DDAH1: variants seen among roughly 807,000 people sequenced by gnomAD.
DDAH1 encodes the protein dimethylarginine dimethylaminohydrolase 1.
In DDAH1, 19 loss-of-function variants were observed where a neutral mutation model predicts 28.8. The observed-to-expected ratio is 0.66, with a 90% CI of 0.46 to 0.97. The LOEUF is 0.97. Among genes scored for constraint, DDAH1 ranks in the 50% least tolerant of loss-of-function variants. The pLI, the probability that DDAH1 is intolerant of heterozygous loss-of-function variation, is 0.00. For synonymous variants in DDAH1, 153 were observed against 154.4 expected (o/e 0.99, Z 0.07); for missense variants, 326 against 375.9 (o/e 0.87, Z 1.10).
At chr1:85,550,748 AACACAC>A (rs138890092) in intron 1 of DDAH1, among the ~76,000 whole-genome samples, 1 of 150,590 alleles carries the variant, frequency 6.6e-6, no homozygotes, top group African/African-American at 2.4e-5. Flanking sequence ...AATAATAAAA[AACACAC>A]ACACACACAC....
At chr1:85,394,943 T>C (rs1430014266) in intron 1 of DDAH1, among the ~76,000 whole-genome samples, 2 of 152,176 alleles carry the variant, frequency 1.3e-5, no homozygotes, top group Non-Finnish European at 2.9e-5. Context: ...TTATAAAACG[T>C]TGGCATATGA....
rs1439025220 is a variant in DDAH1, at chr1:85,465,057, G to C, written c.-12C>G. The C allele has an allele frequency of 8.1e-7, 1 of 1,238,368 alleles. No individual in the cohort carries two copies. The highest frequency in any genetic ancestry group is 1.6e-5 in the African/African-American group (1 of 64,002). The allele number at this position is 1,238,368 out of a possible 1,614,324, so 76.7% of individuals were successfully genotyped here. A position where few individuals can be genotyped will look rare whatever the true frequency, so the allele number is the denominator to read the frequency against. The stretch of plus-strand genomic sequence containing the variant: ...CCGAGCCCGGCCATGGCTTCGGGAG[G>C]CTTAGGGGCGGCGGCGGCGGCGGAG... On this transcript the variant is annotated 5_prime_UTR_variant, in exon 1 of 6. Coordinates refer to ENST00000284031, the MANE Select transcript of DDAH1 (RefSeq NM_012137.4).
chr1:85,460,663 G>A (rs1655086952), intron 1 of DDAH1, among the ~76,000 whole-genome samples: 1 of 152,162 alleles, frequency 6.6e-6, no homozygotes, highest in South Asian at 2.1e-4. Context: ...TTTTGCTTAA[G>A]TTAAGTTTTG....
At chr1:85,548,922 C>T (rs1658707988) in intron 1 of DDAH1, among the ~76,000 whole-genome samples, 1 of 152,052 alleles carries the variant, frequency 6.6e-6, no homozygotes, top group Non-Finnish European at 1.5e-5. Context: ...GCAAGAAAAC[C>T]TTTTTCATTT....
intron 2 of DDAH1, among the ~76,000 whole-genome samples, chr1:85,487,064 G>A (rs1423302164): frequency 2.0e-5 from 3 of 152,192 alleles, no homozygotes; most frequent in Non-Finnish European, 4.4e-5. Context: ...TGTTTAATTC[G>A]CCAAAGTAGG....
At chr1:85,483,198 A>C in intron 2 of DDAH1, among the ~76,000 whole-genome samples, 1 of 146,446 alleles carries the variant, frequency 6.8e-6, no homozygotes, top group South Asian at 2.2e-4. Context: ...TGGGCAATAG[A>C]GTGAGACTAT....
At chr1:85,421,362 C>T (rs1424957434) in intron 1 of DDAH1, among the ~76,000 whole-genome samples, 1 of 152,176 alleles carries the variant, frequency 6.6e-6, no homozygotes, top group African/African-American at 2.4e-5. Flanking sequence ...GCAGCTTTCT[C>T]CTCCACCCGC....
chr1:85,443,482 T>C (rs1654293387), intron 1 of DDAH1, among the ~76,000 whole-genome samples: 1 of 152,224 alleles, frequency 6.6e-6, no homozygotes, highest in Non-Finnish European at 1.5e-5. Context: ...CTTTGTTCTT[T>C]TGGCTTAGGA....
At chr1:85,530,958 T>C (rs1313911830) in intron 1 of DDAH1, among the ~76,000 whole-genome samples, 1 of 130,462 alleles carries the variant, frequency 7.7e-6, no homozygotes, top group African/African-American at 2.9e-5. Context: ...GCCTTTGCAG[T>C]CCAGCCTGGG....
chr1:85,471,800 T>G (rs1217096275), intron 2 of DDAH1, among the ~76,000 whole-genome samples: 1 of 152,214 alleles, frequency 6.6e-6, no homozygotes, highest in Non-Finnish European at 1.5e-5. Context: ...TTTCTGCACT[T>G]CAAAGCTCAA....
intron 4 of DDAH1, among the ~76,000 whole-genome samples, chr1:85,346,088 A>T (rs1453595050): frequency 1.3e-5 from 2 of 152,260 alleles, no homozygotes; most frequent in African/African-American, 4.8e-5. Flanking sequence ...AATGCAATAA[A>T]ACTACCCAGA....
intron 4 of DDAH1, among the ~76,000 whole-genome samples, chr1:85,328,902 A>G (rs1647588078): frequency 6.6e-6 from 1 of 152,248 alleles, no homozygotes; most frequent in Non-Finnish European, 1.5e-5. Flanking sequence ...TAATCACCAG[A>G]TAACTGCCAG....
At chr1:85,550,863 C>T (rs1366117343) in intron 1 of DDAH1, among the ~76,000 whole-genome samples, 1 of 152,202 alleles carries the variant, frequency 6.6e-6, no homozygotes. Context: ...AAAGCAGCAA[C>T]AACTTGCTAG....
At chr1:85,558,895 T>A (rs551343598) in intron 1 of DDAH1, among the ~76,000 whole-genome samples, 46 of 152,298 alleles carry the variant, frequency 3.0e-4, no homozygotes, top group African/African-American at 1.1e-3. Context: ...CTCAAGTCAT[T>A]AAATAGTCTT....
intron 1 of DDAH1, among the ~76,000 whole-genome samples, chr1:85,542,860 C>T (rs1658511812): frequency 6.6e-6 from 1 of 152,196 alleles, no homozygotes; most frequent in African/African-American, 2.4e-5. Flanking sequence ...TTGGCTAACA[C>T]TGGGCGATTT....
intron 1 of DDAH1, among the ~76,000 whole-genome samples, chr1:85,460,268 AC>A (rs2100687024): frequency 6.6e-6 from 1 of 152,332 alleles, no homozygotes; most frequent in African/African-American, 2.4e-5. Context: ...TATAGGTCCT[AC>A]TAAGTACCCT....
At chr1:85,346,269 G>C (rs1467991486) in intron 4 of DDAH1, among the ~76,000 whole-genome samples, 1 of 152,138 alleles carries the variant, frequency 6.6e-6, no homozygotes, top group Non-Finnish European at 1.5e-5. Flanking sequence ...AGATGCCCAA[G>C]TGACCAGGGA....
chr1:85,512,556 A>G (rs1557709309), intron 1 of DDAH1, among the ~76,000 whole-genome samples: 1 of 152,218 alleles, frequency 6.6e-6, no homozygotes, highest in Non-Finnish European at 1.5e-5. Flanking sequence ...GAGGAAGTCA[A>G]ATTGTTCCTG....
At chr1:85,422,079 T>A (rs189394542) in intron 1 of DDAH1, among the ~76,000 whole-genome samples, 1 of 135,676 alleles carries the variant, frequency 7.4e-6, no homozygotes, top group East Asian at 2.2e-4. Context: ...GCGATTGATA[T>A]TGTCAGTTTT....
Sources: allele counts gnomAD v4.1 joint callset (sites outside exome capture counted in the v4.1 genomes callset), GRCh38; gene constraint gnomAD v4.1.1; transcripts MANE v1.5; gene names NCBI Gene and HGNC (gene_info 2026-07-23, HGNC 2026-07-21).